Variants in ZNG1C observed in about 807,000 individuals in gnomAD.
ZNG1C encodes zinc-regulated GTPase metalloprotein activator 1C.
chr9:68,255,917 CCT>C, the ZNG1C span, among the ~76,000 whole-genome samples: 6 of 151,580 alleles, frequency 4.0e-5, no homozygotes, highest in Middle Eastern at 3.4e-3. Flanking sequence ...TGATTCAGCC[CCT>C]GTTACTCACA....
chr9:68,274,993 G>GTTTTTTTT, the ZNG1C span: 1 of 62,714 alleles, frequency 1.6e-5, no homozygotes, highest in African/African-American at 7.7e-5. Flanking sequence ...TTTCCCCATA[G>GTTTTTTTT]TTAACAGGAA....
chr9:68,293,939 A>T, the ZNG1C span, among the ~76,000 whole-genome samples: 1 of 147,324 alleles, frequency 6.8e-6, no homozygotes, highest in East Asian at 2.0e-4. Flanking sequence ...TAGCCAACAA[A>T]ATGAGCCTCA....
At chr9:68,293,268 C>T in the ZNG1C span, among the ~76,000 whole-genome samples, 1 of 152,280 alleles carries the variant, frequency 6.6e-6, no homozygotes, top group African/African-American at 2.4e-5. Context: ...AGAAAAACAA[C>T]AAAAACCAAA....
chr9:68,299,274 T>G, the ZNG1C span: 1 of 1,457,546 alleles, frequency 6.9e-7, no homozygotes, highest in African/African-American at 1.4e-5. Context: ...ACTTTTGTTC[T>G]TCTTCAATTT....
At chr9:68,287,448 A>G in the ZNG1C span, among the ~76,000 whole-genome samples, 8 of 152,114 alleles carry the variant, frequency 5.3e-5, no homozygotes, top group Non-Finnish European at 8.8e-5. Context: ...ACAGAATAGT[A>G]AAGTAAACCC....
the ZNG1C span, among the ~76,000 whole-genome samples, chr9:68,288,647 A>ATTT: frequency 0.011 from 625 of 56,546 alleles, no homozygotes; most frequent in Non-Finnish European, 0.014. Context: ...TAATTTTTGT[A>ATTT]TTTTTTTTTT....
chr9:68,260,148 T>C, the ZNG1C span, among the ~76,000 whole-genome samples: 1,689 of 148,152 alleles, frequency 0.011, no homozygotes, highest in Non-Finnish European at 0.02. Context: ...AAATTATTCA[T>C]TTTGAATGTT....
chr9:68,257,916 G>A, the ZNG1C span, among the ~76,000 whole-genome samples: 4 of 145,428 alleles, frequency 2.8e-5, no homozygotes, highest in Non-Finnish European at 3.0e-5. Flanking sequence ...AATATATGTG[G>A]CGGGTAACTG....
chr9:68,254,498 T>A, the ZNG1C span: 2 of 152,194 alleles, frequency 1.3e-5, no homozygotes, highest in Non-Finnish European at 2.9e-5. Flanking sequence ...TTTCTTTTTG[T>A]CAGGCTGTAA....
chr9:68,279,167 TTCC>T, the ZNG1C span, among the ~76,000 whole-genome samples: 1 of 132,014 alleles, frequency 7.6e-6, no homozygotes, highest in Admixed American at 7.9e-5. Context: ...TTGGTAGATT[TTCC>T]TCCATCCCTT....
chr9:68,272,125 G>T, the ZNG1C span, among the ~76,000 whole-genome samples: 1 of 60,724 alleles, frequency 1.6e-5, no homozygotes, highest in Non-Finnish European at 3.9e-5. Context: ...CTGTTTATGA[G>T]ACTCACTGGA....
chr9:68,281,132 G>A, the ZNG1C span, among the ~76,000 whole-genome samples: 1 of 148,372 alleles, frequency 6.7e-6, no homozygotes, highest in African/African-American at 2.5e-5. Flanking sequence ...TCTTTGACTA[G>A]GAAAGGGAAC....
chr9:68,269,152 T>G, the ZNG1C span: 1 of 806,752 alleles, frequency 1.2e-6, no homozygotes, highest in Non-Finnish European at 1.9e-6. Flanking sequence ...TTTGGCATAT[T>G]TGACTAGTAC....
chr9:68,268,409 T>A, the ZNG1C span, among the ~76,000 whole-genome samples: 1 of 152,054 alleles, frequency 6.6e-6, no homozygotes, highest in Non-Finnish European at 1.5e-5. Context: ...ATTAGGGAAC[T>A]GACGAGGTTA....
At chr9:68,274,291 T>C in the ZNG1C span, 3 of 149,952 alleles carry the variant, frequency 2.0e-5, no homozygotes, top group African/African-American at 7.3e-5. Flanking sequence ...TTCAATTAAA[T>C]GAGTTTAATT....
the ZNG1C span, among the ~76,000 whole-genome samples, chr9:68,280,984 C>T: frequency 1.0e-4 from 12 of 117,874 alleles, no homozygotes; most frequent in South Asian, 8.9e-4. Context: ...TAGCAATCAG[C>T]GAGACTCCGT....
At chr9:68,256,008 T>C in the ZNG1C span, among the ~76,000 whole-genome samples, 1 of 152,328 alleles carries the variant, frequency 6.6e-6, no homozygotes, top group East Asian at 1.9e-4. Flanking sequence ...CATTAGATCT[T>C]GTGGCCCTTG....
At chr9:68,287,021 A>G in the ZNG1C span, among the ~76,000 whole-genome samples, 170 of 149,798 alleles carry the variant, frequency 1.1e-3, no homozygotes, top group African/African-American at 4.1e-3. Context: ...TGATGCCAAG[A>G]ATCATAGGGA....
the ZNG1C span, among the ~76,000 whole-genome samples, chr9:68,249,443 C>CT: frequency 2.5e-5 from 2 of 80,770 alleles, no homozygotes; most frequent in Non-Finnish European, 5.0e-5. Context: ...ACAAGAAACT[C>CT]TAAACTCTAC....
Sources: allele counts gnomAD v4.1 joint callset (sites outside exome capture counted in the v4.1 genomes callset), GRCh38; gene constraint gnomAD v4.1.1; transcripts MANE v1.5; gene names NCBI Gene and HGNC (gene_info 2026-07-23, HGNC 2026-07-21).